Variants in PTPRD observed in about 807,000 individuals in gnomAD.
The protein encoded by PTPRD is receptor-type tyrosine-protein phosphatase delta.
A neutral mutation model predicts 214.5 loss-of-function variants in PTPRD; 34 were observed. The observed-to-expected ratio is 0.16, with a 90% confidence interval of 0.12 to 0.21. The LOEUF is 0.21. Among genes scored for constraint, PTPRD ranks in the 10% least tolerant of loss-of-function variants. PTPRD has a pLI of 1.00. For missense variants in PTPRD, 2,545 were observed against 2,398.7 expected (o/e 1.06, Z -1.27); for synonymous variants, 1,128 against 845.7 (o/e 1.33, Z -5.79).
At chr9:9,233,082 G>A (rs1327648404) in intron 9 of PTPRD, among the ~76,000 whole-genome samples, 1 of 152,092 alleles carries the variant, frequency 6.6e-6, no homozygotes, top group Non-Finnish European at 1.5e-5. Context: ...CACAGAGGCT[G>A]TATTAGTTTG....
chr9:9,130,446 T>G (rs184010531), intron 10 of PTPRD, among the ~76,000 whole-genome samples: 1 of 152,342 alleles, frequency 6.6e-6, no homozygotes, highest in East Asian at 1.9e-4. Context: ...ACTGTGTTAC[T>G]AATTTAATAG....
At chr9:8,615,352 G>A (rs781259450) in intron 14 of PTPRD, among the ~76,000 whole-genome samples, 12 of 152,008 alleles carry the variant, frequency 7.9e-5, no homozygotes, top group Non-Finnish European at 1.6e-4. Context: ...AGTACACCAA[G>A]CACTCATGCA....
At chr9:9,401,028 G>C (rs964372686) in intron 8 of PTPRD, among the ~76,000 whole-genome samples, 1 of 151,946 alleles carries the variant, frequency 6.6e-6, no homozygotes, top group Non-Finnish European at 1.5e-5. Context: ...GGAAAATACA[G>C]TGAAGAAAAA....
intron 2 of PTPRD, among the ~76,000 whole-genome samples, chr9:10,523,643 AG>A (rs1470624084): frequency 2.7e-5 from 4 of 145,976 alleles, no homozygotes; most frequent in African/African-American, 1.0e-4. Flanking sequence ...AAAGGGAGAG[AG>A]AGAGAGAGAG....
intron 11 of PTPRD, among the ~76,000 whole-genome samples, chr9:8,748,228 G>A (rs570929516): frequency 5.9e-5 from 9 of 152,198 alleles, no homozygotes; most frequent in Middle Eastern, 3.4e-3. Flanking sequence ...TTTCCTAGGC[G>A]GAATAAGAAT....
chr9:9,763,460 C>T (rs2098678860), intron 6 of PTPRD, among the ~76,000 whole-genome samples: 1 of 151,944 alleles, frequency 6.6e-6, no homozygotes, highest in African/African-American at 2.4e-5. Flanking sequence ...TTTTTAAGAA[C>T]AGTCTTCTTT....
Position 8,317,630 on chromosome 9 carries a change from A to G in PTPRD, c.*244T>C. 1 of 363,740 alleles carries G rather than the reference A, an allele frequency of 2.7e-6. No individual in the cohort carries two copies. The highest frequency in any genetic ancestry group is 5.2e-6 in the Non-Finnish European group (1 of 193,536). 22.5% of individuals were successfully genotyped at this position (363,740 alleles called of 1,614,324 possible). On this transcript the variant is annotated 3_prime_UTR_variant, in exon 46 of 46. Transcript: ENST00000381196. ...TTGAATCCTTGAGGTATCTGTAAAT[A>G]AAATCCTTCAGATGCCTCATCAGTC...
At chr9:10,272,187 A>C (rs1407785032) in intron 3 of PTPRD, among the ~76,000 whole-genome samples, 1 of 152,176 alleles carries the variant, frequency 6.6e-6, no homozygotes, top group Non-Finnish European at 1.5e-5. Flanking sequence ...TATTTCACAT[A>C]AACGAAATCA....
chr9:10,610,882 T>A (rs2080805654), intron 2 of PTPRD, among the ~76,000 whole-genome samples: 1 of 152,144 alleles, frequency 6.6e-6, no homozygotes, highest in Non-Finnish European at 1.5e-5. Flanking sequence ...ACATCTCTAC[T>A]TTTTTGTAAT....
intron 3 of PTPRD, among the ~76,000 whole-genome samples, chr9:10,098,896 T>C (rs558067134): frequency 6.6e-6 from 1 of 151,910 alleles, no homozygotes; most frequent in African/African-American, 2.4e-5. Context: ...GTTCCCAGTA[T>C]ACAATATTTT....
intron 5 of PTPRD, among the ~76,000 whole-genome samples, chr9:9,924,001 G>C (rs1007297415): frequency 6.6e-6 from 1 of 151,966 alleles, no homozygotes; most frequent in African/African-American, 2.4e-5. Flanking sequence ...TCATTATTTT[G>C]TATATTTGAA....
intron 3 of PTPRD, among the ~76,000 whole-genome samples, chr9:10,086,079 A>G (rs1314271932): frequency 6.6e-6 from 1 of 151,818 alleles, no homozygotes; most frequent in Non-Finnish European, 1.5e-5. Flanking sequence ...CACTTTAAAA[A>G]TGATCTGACT....
At chr9:8,827,624 T>A (rs957576515) in intron 11 of PTPRD, among the ~76,000 whole-genome samples, 2 of 152,070 alleles carry the variant, frequency 1.3e-5, no homozygotes, top group Non-Finnish European at 2.9e-5. Flanking sequence ...CAAAAAAAAT[T>A]AGGTTTTTGC....
intron 7 of PTPRD, among the ~76,000 whole-genome samples, chr9:9,602,486 T>C (rs1474155962): frequency 2.0e-5 from 3 of 152,102 alleles, no homozygotes; most frequent in Non-Finnish European, 4.4e-5. Flanking sequence ...CATATAAGAT[T>C]ATATAACTTC....
At chr9:8,781,525 T>C (rs1287655067) in intron 11 of PTPRD, among the ~76,000 whole-genome samples, 2 of 152,126 alleles carry the variant, frequency 1.3e-5, no homozygotes, top group East Asian at 1.9e-4. Flanking sequence ...AACTCATTAG[T>C]ATAGGAAAAC....
chr9:9,721,379 T>A (rs1017162669), intron 7 of PTPRD, among the ~76,000 whole-genome samples: 4 of 152,168 alleles, frequency 2.6e-5, no homozygotes, highest in Admixed American at 1.3e-4. Context: ...CTATTTTTAA[T>A]GAGAGAGAGA....
chr9:9,028,020 T>C (rs1421851445), intron 10 of PTPRD, among the ~76,000 whole-genome samples: 3 of 152,054 alleles, frequency 2.0e-5, no homozygotes, highest in African/African-American at 7.2e-5. Context: ...CATCAAGGGC[T>C]CCTTGTGTAA....
At chr9:9,007,927 TTTA>T (rs1395837010) in intron 11 of PTPRD, among the ~76,000 whole-genome samples, 2 of 144,918 alleles carry the variant, frequency 1.4e-5, no homozygotes, top group African/African-American at 5.0e-5. Context: ...TTTTTTAAAT[TTTA>T]TTATTATTAT....
chr9:10,061,754 T>C (rs1389313720), intron 3 of PTPRD, among the ~76,000 whole-genome samples: 2 of 152,088 alleles, frequency 1.3e-5, no homozygotes, highest in East Asian at 1.9e-4. Context: ...GGCTGCGGAA[T>C]AGATGTTAGA....
Sources: gnomAD v4.1 joint callset for allele counts (sites outside exome capture counted in the v4.1 genomes callset) on GRCh38, gnomAD v4.1.1 for gene constraint, MANE v1.5 for transcripts, NCBI Gene and HGNC (gene_info 2026-07-23, HGNC 2026-07-21) for gene names.